CDH4: variants seen among roughly 807,000 people sequenced by gnomAD.
The protein encoded by CDH4 is cadherin 4.
In CDH4, 33 loss-of-function variants were observed where a neutral mutation model predicts 86.0. That is an observed-to-expected ratio of 0.38 (90% confidence interval 0.29 to 0.51). CDH4 has a LOEUF of 0.51. Ranked by LOEUF, CDH4 falls within the 20% of genes least tolerant of loss-of-function variation. The pLI, the probability that CDH4 is intolerant of heterozygous loss-of-function variation, is 0.86. For synonymous variants in CDH4, 555 were observed against 549.4 expected (o/e 1.01, Z -0.14); for missense variants, 1,114 against 1,307.4 (o/e 0.85, Z 2.28).
intron 2 of CDH4, among the ~76,000 whole-genome samples, chr20:61,630,386 G>T (rs748786194): frequency 5.9e-5 from 9 of 152,358 alleles, no homozygotes; most frequent in Non-Finnish European, 8.8e-5. Context: ...CAGCAGGGAA[G>T]GGCGAAGTGT....
At chr20:61,273,195 C>T (rs112263688) in intron 2 of CDH4, among the ~76,000 whole-genome samples, 44 of 26,968 alleles carry the variant, frequency 1.6e-3, no homozygotes, top group South Asian at 3.1e-3. Context: ...TTTGGGGGAG[C>T]ACCATGCGCA....
intron 2 of CDH4, among the ~76,000 whole-genome samples, chr20:61,354,079 G>C (rs2084732038): frequency 6.6e-6 from 1 of 152,038 alleles, no homozygotes; most frequent in African/African-American, 2.4e-5. Context: ...TTGCCCTCAA[G>C]GGACATTCGA....
At chr20:61,717,027 G>A (rs942869616) in intron 2 of CDH4, among the ~76,000 whole-genome samples, 7 of 152,220 alleles carry the variant, frequency 4.6e-5, no homozygotes, top group South Asian at 2.1e-4. Context: ...CTGCACCCTC[G>A]TCATGGCCCA....
chr20:61,532,888 C>T (rs1042679100), intron 2 of CDH4, among the ~76,000 whole-genome samples: 2 of 152,160 alleles, frequency 1.3e-5, no homozygotes, highest in African/African-American at 4.8e-5. Flanking sequence ...GTCAGTGTGG[C>T]GTAGCTGGGC....
intron 2 of CDH4, among the ~76,000 whole-genome samples, chr20:61,439,412 A>C (rs1270907697): frequency 6.6e-6 from 1 of 152,100 alleles, no homozygotes; most frequent in Non-Finnish European, 1.5e-5. Flanking sequence ...ACCTGCACTC[A>C]GTGGGGTTAA....
chr20:61,923,461 A>G lies in CDH4; in HGVS notation c.1385A>G (p.Tyr462Cys), dbSNP rs1161226939. The change falls in exon 10 of 16, where the codon TAC becomes TGC. Residue 462 changes from tyrosine (Y) to cysteine (C), a missense_variant. Transcript: ENST00000614565. ...GATCTGTTGTTCCAGGCAGTCGACT[A>G]CGAGCTCAACAGAGCTTTCATGCTG... ...GMVTVVKAVD[Y>C]ELNRAFMLTV... is the part of the protein sequence containing the mutation. 63 of 1,613,980 alleles carry G rather than the reference A, an allele frequency of 3.9e-5. No individual in the cohort carries two copies. The highest frequency in any genetic ancestry group is 5.1e-5 in the Non-Finnish European group (60 of 1,180,012).
At chr20:61,270,899 G>A (rs369840219) in intron 2 of CDH4, among the ~76,000 whole-genome samples, 2 of 152,120 alleles carry the variant, frequency 1.3e-5, no homozygotes, top group Non-Finnish European at 2.9e-5. Flanking sequence ...TGGGTTAAAC[G>A]TTTACCATCC....
At chr20:61,634,641 G>C (rs2086928443) in intron 2 of CDH4, among the ~76,000 whole-genome samples, 1 of 152,228 alleles carries the variant, frequency 6.6e-6, no homozygotes, top group South Asian at 2.1e-4. Context: ...CCGTTGCTGG[G>C]AGCTTTTTTC....
intron 2 of CDH4, among the ~76,000 whole-genome samples, chr20:61,547,062 C>T (rs916795293): frequency 6.6e-6 from 1 of 152,022 alleles, no homozygotes; most frequent in Non-Finnish European, 1.5e-5. Flanking sequence ...CTTCTATATC[C>T]TTTCCACGTT....
rs148227468 is a variant in CDH4, at chr20:61,863,918, G to T, written c.878-9810G>T. 4.7e-3 allele frequency among the ~76,000 whole-genome samples: 689 copies of T among 147,806 alleles called. 4 individuals are homozygous for T. Among genetic ancestry groups the T allele is most frequent in the African/African-American group, 0.016 (648 of 40,520 alleles). On this transcript the variant is annotated intron_variant, in intron 6 of 15. Coordinates refer to ENST00000614565, the MANE Select transcript of CDH4 (RefSeq NM_001794.5). ...TTACCAGCATGGGTTTCCAGACACT[G>T]CCTGCCTCAGCTTCAGCTTAGCCCT...
intron 2 of CDH4, among the ~76,000 whole-genome samples, chr20:61,401,861 AAGG>A (rs749548337): frequency 1.1e-4 from 16 of 152,154 alleles, no homozygotes; most frequent in Non-Finnish European, 2.2e-4. Context: ...CCCATGAAAG[AAGG>A]AGAAGGGAGC....
Position 61,893,277 on chromosome 20 carries a change from G to GATAT in CDH4, c.1051-1633_1051-1632insATAT, listed in dbSNP as rs1568871121. ...GGGTGGGTGGATGGATAGATGGATG[G>GATAT]GTGGGTAAATAGAGGGATAGATGGA... On this transcript the variant is annotated intron_variant, in intron 7 of 15. Coordinates refer to ENST00000614565, the MANE Select transcript of CDH4 (RefSeq NM_001794.5). Among the ~76,000 whole-genome samples, 127 of 138,906 alleles carry GATAT rather than the reference G, an allele frequency of 9.1e-4. 1 individual carries two copies. Among genetic ancestry groups the GATAT allele is most frequent in the Non-Finnish European group, 1.2e-3 (78 of 63,492 alleles). The allele number at this position is 138,906 out of a possible 152,430, so 91.1% of individuals were successfully genotyped here. A position where few individuals can be genotyped will look rare whatever the true frequency, so the allele number is the denominator to read the frequency against.
chr20:61,866,967 C>T (rs1020608027), intron 6 of CDH4, among the ~76,000 whole-genome samples: 28 of 152,326 alleles, frequency 1.8e-4, no homozygotes, highest in African/African-American at 6.5e-4. Context: ...GGGGCCCTGC[C>T]GTCGCCCTTT....
At chr20:61,319,424 C>A (rs905783439) in intron 2 of CDH4, among the ~76,000 whole-genome samples, 2 of 152,118 alleles carry the variant, frequency 1.3e-5, no homozygotes, top group Non-Finnish European at 2.9e-5. Flanking sequence ...CAGCCTCATT[C>A]ATCCGTCCAC....
At chr20:61,843,615 C>T (rs1402623191) in intron 4 of CDH4, among the ~76,000 whole-genome samples, 2 of 151,678 alleles carry the variant, frequency 1.3e-5, no homozygotes, top group East Asian at 3.9e-4. Flanking sequence ...ATTGCTTGAG[C>T]ACAGGAGGTC....
At position 61,829,649 on chromosome 20, in the gene CDH4, A is replaced by G. The variant is rs1294466419; in HGVS notation, c.577-15019A>G. 6.6e-6 allele frequency among the ~76,000 whole-genome samples: 1 copy of G among 152,188 alleles called. No individual in the cohort carries two copies. The highest frequency in any genetic ancestry group is 6.5e-5 in the Admixed American group (1 of 15,290). Reference sequence around the variant, plus strand: ...TGGGGGCTCCTCTGCCAAGCATTAAATACGGACTCACCACTGGGGACGGAC... The same window carrying G: ...TGGGGGCTCCTCTGCCAAGCATTAAGTACGGACTCACCACTGGGGACGGAC... On this transcript the variant is annotated intron_variant, in intron 4 of 15. Transcript: ENST00000614565. The surrounding 1 kb of genome is among the most constrained non-coding windows in gnomAD (Gnocchi z 4.2).
In CDH4 at chr20:61,703,045, GT is replaced by G. The variant is rs2087793208; in HGVS notation, c.170-40514del. ...CTCTGCGTGCCGTGGTCAGTGCCAT[GT>G]TTTCGGGTAGAGCAATGAACATAAA... is the stretch of plus-strand genomic sequence containing the variant. On this transcript the variant is annotated intron_variant, in intron 2 of 15. Transcript: ENST00000614565. The surrounding 1 kb of genome is among the most constrained non-coding windows in gnomAD (Gnocchi z 4.3). 6.6e-6 allele frequency among the ~76,000 whole-genome samples: 1 copy of G among 152,216 alleles called. No individual in the cohort carries two copies. The highest frequency in any genetic ancestry group is 1.5e-5 in the Non-Finnish European group (1 of 68,042).
intron 7 of CDH4, among the ~76,000 whole-genome samples, chr20:61,890,833 G>A (rs943112502): frequency 3.9e-5 from 6 of 151,976 alleles, no homozygotes; most frequent in African/African-American, 7.3e-5. Flanking sequence ...AACAGACACC[G>A]ATTACCTACT....
intron 4 of CDH4, among the ~76,000 whole-genome samples, chr20:61,780,945 G>C (rs920754527): frequency 1.3e-5 from 2 of 152,182 alleles, no homozygotes; most frequent in Admixed American, 1.3e-4. Context: ...ATAAATTCTA[G>C]AAAATACATA....
Sources: allele counts gnomAD v4.1 joint callset (sites outside exome capture counted in the v4.1 genomes callset), GRCh38; gene constraint gnomAD v4.1.1; non-coding constraint Gnocchi (gnomAD v3.1); transcripts MANE v1.5; gene names NCBI Gene and HGNC (gene_info 2026-07-23, HGNC 2026-07-21).